TRAIP: variants seen among roughly 807,000 people sequenced by gnomAD.
TRAIP encodes TRAF interacting protein.
Under a neutral mutation model 65.0 loss-of-function variants are expected in TRAIP, and 37 were observed. The ratio of observed to expected loss-of-function variants is 0.57; its 90% confidence interval spans 0.44 to 0.75. TRAIP has a LOEUF of 0.75. Ranked by LOEUF, TRAIP falls within the 30% of genes least tolerant of loss-of-function variation. The pLI, the probability that TRAIP is intolerant of heterozygous loss-of-function variation, is 0.00. For synonymous variants in TRAIP, 187 were observed against 219.1 expected, an observed-to-expected ratio of 0.85 and a Z score of 1.29; for missense variants, 481 against 579.4, an observed-to-expected ratio of 0.83 and a Z score of 1.74.
At position 49,855,197 on chromosome 3, in the gene TRAIP, C is replaced by T. The variant is rs552413877; in HGVS notation, c.98+1159G>A. On this transcript the variant is annotated intron_variant, in intron 1 of 14. Coordinates refer to ENST00000331456, the MANE Select transcript of TRAIP (RefSeq NM_005879.3). ...AAAAGTTTAAAGTAAAAGGATAGGC[C>T]CTAGCACTTTGAGAGGCCAAGGTGG... is the stretch of plus-strand genomic sequence containing the variant. 5.3e-5 allele frequency among the ~76,000 whole-genome samples: 8 copies of T among 152,122 alleles called. No homozygotes were observed. The South Asian group carries it at 1.4e-3, about 28-fold the overall frequency.
At position 49,829,631 on chromosome 3, in the gene TRAIP, A is replaced by G. The variant is rs1488099934; in HGVS notation, c.1222T>C (p.Cys408Arg). The part of the protein sequence containing the change: ...QPKRPRSESS[C>R]SKDVVRTGFD... ...GCCACACTCACCACATCTTTGCTGC[A>G]AGAGGACTCTGACCTGGGCCTCTTG... is the stretch of plus-strand genomic sequence containing the variant. The change falls in exon 13 of 15, where the codon TGC (cysteine) becomes CGC (arginine). Residue 408 changes from cysteine to arginine, a missense_variant. By Grantham distance (180) the Cys-to-Arg change is radical (BLOSUM62 -3). Transcript: ENST00000331456. The G allele has an allele frequency of 1.2e-6, 2 of 1,614,188 alleles. No homozygotes were observed. Among genetic ancestry groups the G allele is most frequent in the East Asian group, 4.5e-5 (2 of 44,882 alleles).
At chr3:49,851,009 T>C (rs966324166) in intron 1 of TRAIP, among the ~76,000 whole-genome samples, 2 of 151,716 alleles carry the variant, frequency 1.3e-5, no homozygotes, top group African/African-American at 4.8e-5. Context: ...AGACAGGGTC[T>C]CACTCTGTCA....
chr3:49,839,709 A>G (rs1208406045), intron 10 of TRAIP, 63 bp downstream of exon 10: 10 of 1,469,104 alleles, frequency 6.8e-6, no homozygotes, highest in Non-Finnish European at 6.7e-6. Context: ...CAGGAGGAGT[A>G]AAGACTGTTA....
rs540915814 is a variant in TRAIP, at chr3:49,835,756, G to A, written c.885-3688C>T. On this transcript the variant is annotated intron_variant, in intron 10 of 14. Transcript: ENST00000331456. ...AGATGGAGACCATCCTGGCTAACAC[G>A]GTGAAACCCTGTCTCTACTAAAAAT... 5.3e-5 allele frequency among the ~76,000 whole-genome samples: 8 copies of A among 151,610 alleles called. No homozygotes were observed. In the East Asian group the frequency reaches 5.9e-4, roughly 11 times the overall value.
intron 6 of TRAIP, among the ~76,000 whole-genome samples, chr3:49,842,175 G>A (rs1285286761): frequency 6.6e-6 from 1 of 152,238 alleles, no homozygotes; most frequent in Non-Finnish European, 1.5e-5. Flanking sequence ...GGATTTCCTG[G>A]AGAGAGGTTT....
rs771733048 is a variant in TRAIP at position 49,831,989 on chromosome 3, C to T, written c.964G>A (p.Val322Met). ...GAGGGCCGGGCTGGGGGAGTATCCA[C>T]ATCAAAGGTAGCATTGAGATCAATA... Reference protein sequence around the residue: ...DDIDLNATFDVDTPPARPSSS... With the variant: ...DDIDLNATFDMDTPPARPSSS... The change falls in exon 11 of 15, where the codon GTG becomes ATG. Residue 322 changes from valine to methionine, a missense_variant. Physicochemically the swap from Val to Met is conservative, Grantham distance 21. Coordinates refer to ENST00000331456, the MANE Select transcript of TRAIP (RefSeq NM_005879.3). 3.7e-6 allele frequency: 6 copies of T among 1,608,542 alleles called. No homozygotes were observed. The South Asian group carries it at 5.5e-5, about 15-fold the overall frequency.
intron 11 of TRAIP, 72 bp from the exon 12 acceptor site, chr3:49,830,140 C>T (rs1277876451): frequency 6.5e-6 from 10 of 1,539,172 alleles, no homozygotes; most frequent in South Asian, 2.2e-5. Flanking sequence ...GCTCAGCACA[C>T]GCCCCTTGGG....
chr3:49,848,826 G>C lies in TRAIP; in HGVS notation c.99-626C>G, dbSNP rs565402946. ...AATATCTCATAAACCCAATAAATAT[G>C]TATACCTACTATGTACTCATAACTT... On this transcript the variant is annotated intron_variant, in intron 1 of 14. Transcript: ENST00000331456. Among the ~76,000 whole-genome samples, 4 of 151,836 alleles carry C rather than the reference G, an allele frequency of 2.6e-5. 1 individual carries two copies. Among genetic ancestry groups the C allele is most frequent in the African/African-American group, 9.7e-5 (4 of 41,400 alleles).
chr3:49,843,993 G>T (rs532093012), intron 4 of TRAIP, 65 bp from the exon 5 acceptor site: 1 of 1,545,480 alleles, frequency 6.5e-7, no homozygotes, highest in East Asian at 2.3e-5. Context: ...GAAGAACTTG[G>T]GCCCTTGGAT....
intron 8 of TRAIP, chr3:49,840,623 C>T (rs573117100): frequency 3.6e-6 from 2 of 562,022 alleles, no homozygotes; most frequent in South Asian, 2.2e-5. Context: ...CTGTGCTGAC[C>T]GAATCAGGTT....
At position 49,839,795 on chromosome 3, in the gene TRAIP, A is replaced by G; in HGVS notation, c.861T>C (p.Thr287=). 1.2e-6 allele frequency: 2 copies of G among 1,614,252 alleles called. No homozygotes were observed. The highest frequency in any genetic ancestry group is 1.7e-6 in the Non-Finnish European group (2 of 1,180,034). Residue 287 remains threonine, a synonymous_variant, in exon 10 of 15, where the codon ACT becomes ACC. Coordinates refer to ENST00000331456, the MANE Select transcript of TRAIP (RefSeq NM_005879.3). ...ACCTCTCTAAAACCAGGCGGTCGAC[A>G]GTCTCACTGGCCACTGGTGGCAGGT... ...TLNLPPVASE[T]VDRLVLESPA...
chr3:49,833,476 A>G (rs1409520298), intron 10 of TRAIP, among the ~76,000 whole-genome samples: 1 of 146,382 alleles, frequency 6.8e-6, no homozygotes, highest in Admixed American at 6.8e-5. Flanking sequence ...CCTCTCTTAG[A>G]CTGTTTCTTT....
Position 49,847,532 on chromosome 3 carries a change from A to C in TRAIP, c.233T>G (p.Phe78Cys). The change falls in exon 3 of 15, where the codon TTC becomes TGC. Residue 78 changes from phenylalanine (F) to cysteine (C), a missense_variant. Physicochemically the swap from Phe to Cys is radical, Grantham distance 205. Coordinates refer to ENST00000331456, the MANE Select transcript of TRAIP (RefSeq NM_005879.3). ...CAGATAAATTCTGGGTACCTTTAAG[A>C]ATTCTGCATCCAAGACATTCTCCTC... ...QEEENVLDAE[F>C]LKNELDNVRA... The C allele has an allele frequency of 6.2e-7, 1 of 1,608,390 alleles. No homozygotes were observed. Among genetic ancestry groups the C allele is most frequent in the Non-Finnish European group, 8.5e-7 (1 of 1,177,512 alleles).
chr3:49,843,171 T>C (rs999304685), intron 5 of TRAIP: 4 of 153,790 alleles, frequency 2.6e-5, no homozygotes, highest in African/African-American at 7.2e-5. Context: ...TGGCTCCCTT[T>C]CCCTTTCAAA....
chr3:49,842,636 C>A, intron 5 of TRAIP, 89 bp from the exon 6 acceptor site: 1 of 1,240,858 alleles, frequency 8.1e-7, no homozygotes, highest in East Asian at 2.3e-5. Context: ...CCAGAACTCT[C>A]TGCAGCTTAT....
chr3:49,855,538 C>G (rs1042293585), intron 1 of TRAIP, among the ~76,000 whole-genome samples: 2 of 152,134 alleles, frequency 1.3e-5, no homozygotes, highest in Admixed American at 1.3e-4. Context: ...CGCTTAGAGG[C>G]GAGCTTAATT....
chr3:49,835,783 C>CA (rs1264413659), intron 10 of TRAIP, among the ~76,000 whole-genome samples: 2 of 151,342 alleles, frequency 1.3e-5, no homozygotes. Flanking sequence ...ACTAAAAATA[C>CA]AAAAAATTAG....
intron 1 of TRAIP, among the ~76,000 whole-genome samples, chr3:49,849,623 T>A (rs1207446518): frequency 9.3e-5 from 14 of 150,558 alleles, no homozygotes; most frequent in Non-Finnish European, 1.5e-5. Flanking sequence ...AGACTCCATC[T>A]CAAAAAAAAA....
At chr3:49,856,295 A>C in intron 1 of TRAIP, 61 bp downstream of exon 1, 1 of 1,449,302 alleles carries the variant, frequency 6.9e-7, no homozygotes, top group Non-Finnish European at 9.6e-7. Flanking sequence ...GAGGCCCAAC[A>C]CCTCAAGGCC....
Sources: allele counts gnomAD v4.1 joint callset (sites outside exome capture counted in the v4.1 genomes callset), GRCh38; gene constraint gnomAD v4.1.1; transcripts MANE v1.5; gene names NCBI Gene and HGNC (gene_info 2026-07-23, HGNC 2026-07-21).